Variants in SETX observed in about 807,000 individuals in gnomAD.
SETX encodes the protein helicase senataxin.
A neutral mutation model predicts 227.2 loss-of-function variants in SETX; 90 were observed. The observed-to-expected ratio is 0.40, with a 90% CI of 0.33 to 0.47. The LOEUF is 0.47. SETX is among the 20% of genes least tolerant of loss of function. SETX has a pLI of 0.91. For missense variants in SETX, 3,052 were observed against 3,181.5 expected, an observed-to-expected ratio of 0.96 and a Z score of 0.98; for synonymous variants, 1,210 against 1,113.2, an observed-to-expected ratio of 1.09 and a Z score of -1.73.
At chr9:132,293,704 G>A (rs893446732) in intron 15 of SETX, among the ~76,000 whole-genome samples, 1 of 152,034 alleles carries the variant, frequency 6.6e-6, no homozygotes, top group Non-Finnish European at 1.5e-5. Flanking sequence ...ATAAGCGTGC[G>A]CCACTGTGCC....
At chr9:132,293,004 TAC>T (rs1421560382) in intron 15 of SETX, among the ~76,000 whole-genome samples, 2 of 152,164 alleles carry the variant, frequency 1.3e-5, no homozygotes, top group Non-Finnish European at 2.9e-5. Flanking sequence ...TAACAAAAAT[TAC>T]AGGCTGGCCT....
chr9:132,277,428 G>A (rs953886395), intron 21 of SETX, among the ~76,000 whole-genome samples: 2 of 151,978 alleles, frequency 1.3e-5, no homozygotes, highest in African/African-American at 2.4e-5. Flanking sequence ...TGTTAAGTAT[G>A]GTCCCACATT....
intron 4 of SETX, 74 bp from the exon 5 acceptor site, chr9:132,342,873 G>A: frequency 2.7e-6 from 3 of 1,091,980 alleles, no homozygotes; most frequent in Middle Eastern, 4.2e-4. Flanking sequence ...GGCTCCTTGG[G>A]CTATTCTGTA....
rs752523538 is a variant in SETX at position 132,328,985 on chromosome 9, A to T, written c.2613T>A (p.Asn871Lys). The T allele has an allele frequency of 6.2e-7, 1 of 1,606,504 alleles. No individual in the cohort carries two copies. Among genetic ancestry groups the T allele is most frequent in the Non-Finnish European group, 8.5e-7 (1 of 1,177,520 alleles). Residue 871 changes from asparagine to lysine, a missense_variant, in exon 10 of 26, where the codon AAT becomes AAA. By Grantham distance (94) the Asn-to-Lys change is moderately conservative. Transcript: ENST00000224140. ...GGAAAGAGAAAATAACTAATTCTTC[A>T]TTCTTTAATTGTTTCTCTTTTGGCA... Reference protein sequence around the residue: ...NVLPKEKQLKNEELVIFSFHE... With the variant: ...NVLPKEKQLKKEELVIFSFHE...
At chr9:132,289,107 G>C (rs1844124013) in intron 15 of SETX, among the ~76,000 whole-genome samples, 1 of 152,132 alleles carries the variant, frequency 6.6e-6, no homozygotes, top group South Asian at 2.1e-4. Context: ...AGCCACAAGA[G>C]GCCTCTGAGG....
chr9:132,302,307 A>C (rs1224720618), intron 11 of SETX, among the ~76,000 whole-genome samples: 1 of 141,544 alleles, frequency 7.1e-6, no homozygotes, highest in Non-Finnish European at 1.5e-5. Flanking sequence ...CAGTGAGCCG[A>C]GATCACACCA....
chr9:132,309,805 T>C (rs1845546881), intron 11 of SETX, among the ~76,000 whole-genome samples: 1 of 152,124 alleles, frequency 6.6e-6, no homozygotes, highest in East Asian at 1.9e-4. Context: ...GTAAGAGAGA[T>C]CCTGATCCAT....
chr9:132,330,980 CA>C (rs1406916552), intron 9 of SETX, 71 bp downstream of exon 9: 15 of 1,235,342 alleles, frequency 1.2e-5, no homozygotes, highest in Non-Finnish European at 1.8e-5. Flanking sequence ...TGCAACTCAA[CA>C]AATTATACAA....
In SETX at chr9:132,349,238, C is replaced by T. The variant is rs758012281; in HGVS notation, c.177+14G>A. 1.2e-6 allele frequency: 2 copies of T among 1,612,756 alleles called. No individual in the cohort carries two copies. The highest frequency in any genetic ancestry group is 1.7e-6 in the Non-Finnish European group (2 of 1,179,280). On this transcript the variant is annotated intron_variant, in intron 3 of 25. Transcript: ENST00000224140. The stretch of plus-strand genomic sequence containing the variant: ...TCAAGCTCTGAAAAATATTGCCCAT[C>T]TAATATATTTTACCTCATGCAAGAA...
chr9:132,355,734 C>T (rs528485067), upstream of SETX, among the ~76,000 whole-genome samples: 1 of 152,182 alleles, frequency 6.6e-6, no homozygotes, highest in East Asian at 1.9e-4. Context: ...CGCCTGTAAT[C>T]CCAGCACTTT....
In SETX at chr9:132,264,924, G is replaced by T; in HGVS notation, c.7349C>A (p.Thr2450Asn). 1 of 1,614,130 alleles carries T rather than the reference G, an allele frequency of 6.2e-7. No homozygotes were observed. Among genetic ancestry groups the T allele is most frequent in the Non-Finnish European group, 8.5e-7 (1 of 1,180,022 alleles). The change falls in exon 26 of 26, where the codon ACC becomes AAC. Residue 2450 changes from threonine (T) to asparagine (N), a missense_variant. Around this residue, in one of 10 missense-constraint regions of SETX, gnomAD observed 412 missense variants for 589.0 expected, o/e 0.70. Transcript: ENST00000224140. ...ATCATGTCTATAGTTTTTGTCACAG[G>T]TCTTAATAATGGCACCACGCTTCTG... Reference protein sequence around the residue: ...DAQKRGAIIKTCDKNYRHDAV... With the variant: ...DAQKRGAIIKNCDKNYRHDAV...
chr9:132,333,269 C>T (rs1047428512), intron 7 of SETX, among the ~76,000 whole-genome samples: 44 of 150,518 alleles, frequency 2.9e-4, no homozygotes, highest in African/African-American at 8.8e-4. Flanking sequence ...ATCCCAGCTA[C>T]TTGGGAGGCT....
rs144115240 is a variant in SETX at position 132,341,674 on chromosome 9, G to T, written c.498+1016C>A. 1.4e-4 allele frequency among the ~76,000 whole-genome samples: 21 copies of T among 152,276 alleles called. No homozygotes were observed. The East Asian group carries it at 3.7e-3, about 27-fold the overall frequency. ...TGTAAACAGCTTTTAAAAAGCCAGT[G>T]AACCTTTTTAATACTTTGGCAACCT... On this transcript the variant is annotated intron_variant, in intron 5 of 25. Coordinates refer to ENST00000224140, the MANE Select transcript of SETX (RefSeq NM_015046.7).
rs1431485311 is a variant in SETX, at chr9:132,281,542, A to G, written c.6579T>C (p.Thr2193=). The G allele has an allele frequency of 1.9e-6, 3 of 1,613,908 alleles. No individual in the cohort carries two copies. Among genetic ancestry groups the G allele is most frequent in the African/African-American group, 2.7e-5 (2 of 74,924 alleles). ...GCTTATTGCAGCGATGGATGAGTGG[A>G]GTAAGAGTCTCAATTTCACAAGACT... The part of the protein sequence containing the change: ...AGQSCEIETL[T]PLIHRCNKLI... The change falls in exon 20 of 26, where the codon ACT becomes ACC. Residue 2193 remains threonine (T), a synonymous_variant. Coordinates refer to ENST00000224140, the MANE Select transcript of SETX (RefSeq NM_015046.7).
intron 15 of SETX, among the ~76,000 whole-genome samples, chr9:132,291,685 CG>C (rs1844318483): frequency 6.6e-6 from 1 of 152,092 alleles, no homozygotes; most frequent in Admixed American, 6.5e-5. Context: ...TTGTGGCACC[CG>C]TAAGGGAGCA....
At chr9:132,281,039 A>T (rs892065257) in intron 20 of SETX, among the ~76,000 whole-genome samples, 4 of 152,192 alleles carry the variant, frequency 2.6e-5, no homozygotes, top group Non-Finnish European at 5.9e-5. Context: ...TGTTTTCCTC[A>T]ATTTGTACAT....
Position 132,326,445 on chromosome 9 carries a change from T to C in SETX, c.5153A>G (p.Gln1718Arg). The C allele has an allele frequency of 1.2e-6, 2 of 1,614,200 alleles. No homozygotes were observed. Among genetic ancestry groups the C allele is most frequent in the Non-Finnish European group, 1.7e-6 (2 of 1,180,014 alleles). The change falls in exon 10 of 26, where the codon CAG becomes CGG. Residue 1718 changes from glutamine (Q) to arginine (R), a missense_variant. Transcript: ENST00000224140. Reference protein sequence around the residue: ...WKYEMFLNFGQCGPPASLCQS... With the variant: ...WKYEMFLNFGRCGPPASLCQS... ...ACAAAGACTTGCAGGGGGCCCACAC[T>C]GACCAAAGTTCAAAAACATTTCATA...
At chr9:132,341,671 A>T (rs1250061237) in intron 5 of SETX, among the ~76,000 whole-genome samples, 1 of 152,232 alleles carries the variant, frequency 6.6e-6, no homozygotes, top group African/African-American at 2.4e-5. Context: ...TTAAAAAGCC[A>T]GTGAACCTTT....
rs758498669 is a variant in SETX at position 132,336,334 on chromosome 9, T to C, written c.680A>G (p.His227Arg). The change falls in exon 6 of 26, where the codon CAC (histidine) becomes CGC (arginine). Residue 227 changes from histidine to arginine, a missense_variant. Around this residue, in one of 10 missense-constraint regions of SETX, gnomAD observed 239 missense variants for 240.8 expected, o/e 0.99. Coordinates refer to ENST00000224140, the MANE Select transcript of SETX (RefSeq NM_015046.7). The part of the protein sequence containing the change: ...EKGKLILLPS[H>R]MYDTTNYKSY... ...TTTGTAGTTGGTAGTATCATACATG[T>C]GTGAGGGCAGAAGAATCAGTTTACC... The C allele has an allele frequency of 6.2e-7, 1 of 1,614,006 alleles. No homozygotes were observed. The highest frequency in any genetic ancestry group is 1.1e-5 in the South Asian group (1 of 91,082).
Sources: allele counts gnomAD v4.1 joint callset (sites outside exome capture counted in the v4.1 genomes callset), GRCh38; gene constraint gnomAD v4.1.1; regional missense constraint gnomAD v4.1.1; transcripts MANE v1.5; gene names NCBI Gene and HGNC (gene_info 2026-07-23, HGNC 2026-07-21).